LRIT1: variants seen among roughly 807,000 people sequenced by gnomAD.
LRIT1 encodes the protein leucine rich repeat, Ig-like and transmembrane domains 1, also known as leucine-rich repeat, immunoglobulin-like domain and transmembrane domain-containing protein 1.
In LRIT1, 23 loss-of-function variants were observed where a neutral mutation model predicts 24.0. That is an observed-to-expected ratio of 0.96 (90% CI 0.69 to 1.36). The LOEUF (loss-of-function observed/expected upper bound fraction) is 1.36, where lower values mean the gene tolerates loss of function less well. LRIT1 is among the 40% of genes most tolerant of loss of function. The pLI is 0.00. For synonymous variants in LRIT1, 361 were observed against 340.5 expected, an observed-to-expected ratio of 1.06 and a Z score of -0.66; for missense variants, 846 against 806.3, an observed-to-expected ratio of 1.05 and a Z score of -0.60.
chr10:84,232,410 G>A lies in LRIT1; in HGVS notation c.1389C>T (p.Tyr463=), dbSNP rs142074653. 4.6e-4 allele frequency: 741 copies of A among 1,614,154 alleles called. 2 individuals carry two copies. In the African/African-American group the frequency reaches 7.2e-3, roughly 16 times the overall value. Residue 463 remains tyrosine (Y), a synonymous_variant, in exon 4 of 4, where the codon TAC becomes TAT. Coordinates refer to ENST00000372105, the MANE Select transcript of LRIT1 (RefSeq NM_015613.3). ...AKNTTAFSVL[Y]AVFGQHSMRR... The stretch of plus-strand genomic sequence containing the variant: ...GCATGCTGTGCTGCCCAAAGACCGC[G>A]TAGAGGACACTGAAGGCAGTTGTGT...
In LRIT1 at chr10:84,231,954, G is replaced by GC. The variant is rs748851903; in HGVS notation, c.1844dup (p.Arg616GlnfsTer5). 6.2e-7 allele frequency: 1 copy of GC among 1,610,988 alleles called. No homozygotes were observed. The highest frequency in any genetic ancestry group is 1.1e-5 in the South Asian group (1 of 90,984). On this transcript the variant is annotated frameshift_variant, in exon 4 of 4. Transcript: ENST00000372105. LOFTEE classifies it high-confidence loss of function. ...AGCAGAAGTACTCATTGATTCTCCTGCCCCCTTTGACTCCAAAGGCCTGAA... is the reference window on the plus strand; with the variant it reads ...AGCAGAAGTACTCATTGATTCTCCTGCCCCCCTTTGACTCCAAAGGCCTGAA...
intron 2 of LRIT1, among the ~76,000 whole-genome samples, chr10:84,236,260 G>C (rs1313323789): frequency 2.0e-5 from 3 of 151,144 alleles, no homozygotes; most frequent in Non-Finnish European, 2.9e-5. Flanking sequence ...CGTGCCACTG[G>C]ACTCCATCCT....
At chr10:84,233,317 T>C (rs182456832) in intron 3 of LRIT1, among the ~76,000 whole-genome samples, 150 of 151,968 alleles carry the variant, frequency 9.9e-4, no homozygotes, top group African/African-American at 3.5e-3. Flanking sequence ...CACAGGCACA[T>C]GCCACCAAGC....
intron 1 of LRIT1, 107 bp downstream of exon 1, chr10:84,241,211 G>T: frequency 6.5e-7 from 1 of 1,530,378 alleles, no homozygotes; most frequent in South Asian, 1.2e-5. Context: ...AAGGGCCAAG[G>T]GAGATGAAGA....
Position 84,237,222 on chromosome 10 carries a change from A to G in LRIT1, c.587T>C (p.Leu196Pro). The change falls in exon 2 of 4, where the codon CTA becomes CCA. Residue 196 changes from leucine to proline, a missense_variant and splice_region_variant. Coordinates refer to ENST00000372105, the MANE Select transcript of LRIT1 (RefSeq NM_015613.3). ...FPPGHHPRRV[L>P]GLQDNPWACD... ...AGGTGAAGGTTGCCGACCCTTACCT[A>G]GGACCCGCCTGGGGTGGTGGCCGGG... The G allele has an allele frequency of 6.5e-7, 1 of 1,549,654 alleles. No individual in the cohort carries two copies. The highest frequency in any genetic ancestry group is 8.7e-7 in the Non-Finnish European group (1 of 1,146,566).
chr10:84,231,834 C>G lies in LRIT1; in HGVS notation c.*93G>C. 1 of 1,404,862 alleles carries G rather than the reference C, an allele frequency of 7.1e-7. No individual in the cohort carries two copies. Among genetic ancestry groups the G allele is most frequent in the Middle Eastern group, 1.9e-4 (1 of 5,272 alleles). The allele number at this position is 1,404,862 out of a possible 1,614,324, so 87.0% of individuals were successfully genotyped here. A position where few individuals can be genotyped will look rare whatever the true frequency, so the allele number is the denominator to read the frequency against. On this transcript the variant is annotated 3_prime_UTR_variant, in exon 4 of 4. Transcript: ENST00000372105. Reference sequence around the variant, plus strand: ...GTAAGTATCTGAGTAAGCAGGTACCCGAGCAGGTAAGAGTGGGTGATCGTG... The same window carrying G: ...GTAAGTATCTGAGTAAGCAGGTACCGGAGCAGGTAAGAGTGGGTGATCGTG...
chr10:84,234,131 T>A lies in LRIT1; in HGVS notation c.837A>T (p.Gly279=). 1.3e-5 allele frequency: 21 copies of A among 1,603,656 alleles called. No individual in the cohort carries two copies. The highest frequency in any genetic ancestry group is 1.8e-5 in the Non-Finnish European group (21 of 1,174,286). The change falls in exon 3 of 4, where the codon GGA becomes GGT. Residue 279 remains glycine (G), a synonymous_variant. Coordinates refer to ENST00000372105, the MANE Select transcript of LRIT1 (RefSeq NM_015613.3). ...TCCAGCTCATCTCGGGCCCAGGGAC[T>A]CCAGTAGCTCCACAGCGTAGCAGTG... ...GTALLRCGAT[G]VPGPEMSWRR...
Position 84,241,457 on chromosome 10 carries a change from T to C in LRIT1, c.-18A>G. ...ACCCTCATGGCTCCTGGCTCCTCTC[T>C]GGCCCAGGCAGGGGCCTGTCCCTGG... On this transcript the variant is annotated 5_prime_UTR_variant, in exon 1 of 4. Transcript: ENST00000372105. 1.3e-6 allele frequency: 2 copies of C among 1,533,848 alleles called. No homozygotes were observed. Among genetic ancestry groups the C allele is most frequent in the Non-Finnish European group, 1.7e-6 (2 of 1,144,218 alleles).
At position 84,237,567 on chromosome 10, in the gene LRIT1, G is replaced by A. The variant is rs367864173; in HGVS notation, c.242C>T (p.Pro81Leu). 1.4e-5 allele frequency: 23 copies of A among 1,606,130 alleles called. No individual in the cohort carries two copies. The highest frequency in any genetic ancestry group is 1.9e-5 in the Non-Finnish European group (22 of 1,179,790). ...CCACAGCTGCTCCAGGCGGCCCAGG[G>A]GCCTGAAGGCCTCGCCAGGAACCCT... The part of the protein sequence containing the change: ...IRRVPGEAFR[P>L]LGRLEQLWLP... The change falls in exon 2 of 4, where the codon CCC (proline) becomes CTC (leucine). Residue 81 changes from proline to leucine, a missense_variant. Physicochemically the swap from Pro to Leu is moderately conservative, Grantham distance 98 (BLOSUM62 -3). Transcript: ENST00000372105.
chr10:84,233,930 CCCCTGTCAAACTCAACT>C, intron 3 of LRIT1, 126 bp downstream of exon 3: 1 of 635,484 alleles, frequency 1.6e-6, no homozygotes, highest in Non-Finnish European at 2.5e-6. Flanking sequence ...CTCTGGGAAG[CCCCTGTCAAACTCAACT>C]CAGACAGGTG....
chr10:84,237,556 G>A lies in LRIT1; in HGVS notation c.253C>T (p.Leu85=), dbSNP rs915799223. The A allele has an allele frequency of 4.4e-6, 7 of 1,606,082 alleles. No individual in the cohort carries two copies. Among genetic ancestry groups the A allele is most frequent in the Middle Eastern group, 3.3e-4 (2 of 6,040 alleles). The change falls in exon 2 of 4, where the codon CTG becomes TTG. Residue 85 remains leucine, a synonymous_variant. Transcript: ENST00000372105. Reference sequence around the variant, plus strand: ...TTGTAAGGCAGCCACAGCTGCTCCAGGCGGCCCAGGGGCCTGAAGGCCTCG... The same window carrying A: ...TTGTAAGGCAGCCACAGCTGCTCCAAGCGGCCCAGGGGCCTGAAGGCCTCG... ...PGEAFRPLGR[L]EQLWLPYNAL...
rs1842628966 is a variant in LRIT1 at position 84,234,232 on chromosome 10, G to C, written c.736C>G (p.Leu246Val). The change falls in exon 3 of 4, where the codon CTT becomes GTT. Residue 246 changes from leucine to valine, a missense_variant. Transcript: ENST00000372105. ...GGGCCCTGGCACTTCCTCAGTTCAAGCTGGCTGAAGGCCACTCCGGCCAGG... is the reference window on the plus strand; with the variant it reads ...GGGCCCTGGCACTTCCTCAGTTCAACCTGGCTGAAGGCCACTCCGGCCAGG... ...RSLAGVAFSQ[L>V]ELRKCQGPEL... The C allele has an allele frequency of 9.9e-6, 16 of 1,614,030 alleles. No homozygotes were observed. Among genetic ancestry groups the C allele is most frequent in the Non-Finnish European group, 1.3e-5 (15 of 1,179,998 alleles).
rs1200977011 is a variant in LRIT1, at chr10:84,237,205, G to A, written c.589+15C>T. The A allele has an allele frequency of 9.1e-6, 14 of 1,542,466 alleles. No individual in the cohort carries two copies. The highest frequency in any genetic ancestry group is 1.1e-5 in the Non-Finnish European group (13 of 1,141,182). ...AACTTGCCTAAGACCCCAGGTGAAGGTTGCCGACCCTTACCTAGGACCCGC... is the reference window on the plus strand; with the variant it reads ...AACTTGCCTAAGACCCCAGGTGAAGATTGCCGACCCTTACCTAGGACCCGC... On this transcript the variant is annotated intron_variant, in intron 2 of 3. Coordinates refer to ENST00000372105, the MANE Select transcript of LRIT1 (RefSeq NM_015613.3).
At position 84,232,272 on chromosome 10, in the gene LRIT1, C is replaced by G. The variant is rs1842605979; in HGVS notation, c.1527G>C (p.Gln509His). 6.2e-7 allele frequency: 1 copy of G among 1,614,026 alleles called. No homozygotes were observed. The highest frequency in any genetic ancestry group is 1.7e-5 in the Admixed American group (1 of 60,002). ...CTTCATTGGTGGAGAAAATAACACA[C>G]TGCTCCTTCCGGGGCACCAGGCCCT... is the stretch of plus-strand genomic sequence containing the variant. ...CVQGLVPRKEQCVIFSTNEVV... is the reference protein window; with the variant it reads ...CVQGLVPRKEHCVIFSTNEVV... Residue 509 changes from glutamine (Q) to histidine (H), a missense_variant, in exon 4 of 4, where the codon CAG becomes CAC. By Grantham distance (24) the Gln-to-His change is conservative. Transcript: ENST00000372105.
chr10:84,232,141 T>A lies in LRIT1; in HGVS notation c.1658A>T (p.Gln553Leu). The A allele has an allele frequency of 6.2e-7, 1 of 1,614,186 alleles. No homozygotes were observed. Among genetic ancestry groups the A allele is most frequent in the Non-Finnish European group, 8.5e-7 (1 of 1,180,022 alleles). ...LTLLVCCSAL[Q>L]KRCRKCFNKD... The stretch of plus-strand genomic sequence containing the variant: ...GTTGAAGCACTTTCGGCAGCGCTTC[T>A]GAAGAGCACTGCAGCAGACAAGCAG... Residue 553 changes from glutamine to leucine, a missense_variant, in exon 4 of 4, where the codon CAG (glutamine) becomes CTG (leucine). Gln to Leu is a moderately radical substitution (Grantham distance 113). Transcript: ENST00000372105.
In LRIT1 at chr10:84,234,062, A is replaced by G. The variant is rs752189497; in HGVS notation, c.895+11T>C. 2.0e-6 allele frequency: 3 copies of G among 1,488,282 alleles called. No homozygotes were observed. The highest frequency in any genetic ancestry group is 2.7e-6 in the Non-Finnish European group (3 of 1,120,492). The allele number at this position is 1,488,282 out of a possible 1,614,324, so 92.2% of individuals were successfully genotyped here. A position where few individuals can be genotyped will look rare whatever the true frequency, so the allele number is the denominator to read the frequency against. On this transcript the variant is annotated intron_variant, in intron 3 of 3. Transcript: ENST00000372105. ...TAGGTTCTCAGTGCAGCATCCCTGT[A>G]GCTCACATACCTGTACCATTAAGGG...
chr10:84,241,371 G>T lies in LRIT1; in HGVS notation c.69C>A (p.Cys23Ter). The part of the protein sequence containing the change: ...LAWPPQARGF[C>*]PSQCSCSLHI... The stretch of plus-strand genomic sequence containing the variant: ...GGAGGCTGCAGCTGCATTGAGAGGG[G>T]CAGAAGCCCCGGGCCTGGGGGGGCC... The change falls in exon 1 of 4, where the codon TGC becomes TGA. Residue 23 changes from cysteine (C) to a stop codon, truncating the protein, a stop_gained. Transcript: ENST00000372105. LOFTEE classifies it high-confidence loss of function. The T allele has an allele frequency of 6.2e-7, 1 of 1,612,988 alleles. No homozygotes were observed. The highest frequency in any genetic ancestry group is 1.3e-5 in the African/African-American group (1 of 75,000).
rs960074005 is a variant in LRIT1, at chr10:84,234,338, A to G, written c.630T>C (p.Tyr210=). 3 of 1,588,904 alleles carry G rather than the reference A, an allele frequency of 1.9e-6. No homozygotes were observed. The highest frequency in any genetic ancestry group is 2.6e-6 in the Non-Finnish European group (3 of 1,166,240). ...AGCCATCCAAAAGATGAACCAGGTC[A>G]TAGAGTCGGCAGTCACATGCCCAGG... is the stretch of plus-strand genomic sequence containing the variant. ...DNPWACDCRL[Y]DLVHLLDGWA... Residue 210 remains tyrosine, a synonymous_variant, in exon 3 of 4, where the codon TAT becomes TAC. Coordinates refer to ENST00000372105, the MANE Select transcript of LRIT1 (RefSeq NM_015613.3).
At position 84,234,079 on chromosome 10, in the gene LRIT1, C is replaced by A; in HGVS notation, c.889G>T (p.Gly297Cys). Residue 297 changes from glycine (G) to cysteine (C), a missense_variant, in exon 3 of 4, where the codon GGT (glycine) becomes TGT (cysteine). By Grantham distance (159) the Gly-to-Cys change is radical (BLOSUM62 -3). Transcript: ENST00000372105. Reference sequence around the variant, plus strand: ...ATCCCTGTAGCTCACATACCTGTACCATTAAGGGGCCTGCCATTGGCCCTC... The same window carrying A: ...ATCCCTGTAGCTCACATACCTGTACAATTAAGGGGCCTGCCATTGGCCCTC... ...WRRANGRPLN[G>C]TVHQEVSSDG... 2 of 1,535,342 alleles carry A rather than the reference C, an allele frequency of 1.3e-6. No individual in the cohort carries two copies. The highest frequency in any genetic ancestry group is 8.8e-7 in the Non-Finnish European group (1 of 1,142,642).
Sources: allele counts gnomAD v4.1 joint callset (sites outside exome capture counted in the v4.1 genomes callset), GRCh38; gene constraint gnomAD v4.1.1; transcripts MANE v1.5; gene names NCBI Gene and HGNC (gene_info 2026-07-23, HGNC 2026-07-21).